Variants in MAGI2 observed in about 807,000 individuals in gnomAD.
MAGI2 encodes membrane associated guanylate kinase, WW and PDZ domain containing 2, also known as membrane-associated guanylate kinase, WW and PDZ domain-containing protein 2.
Under a neutral mutation model 133.3 loss-of-function variants are expected in MAGI2, and 35 were observed. The observed-to-expected ratio is 0.26, with a 90% CI of 0.20 to 0.35. MAGI2 has a LOEUF of 0.35. Among genes scored for constraint, MAGI2 ranks in the 10% least tolerant of loss-of-function variants. MAGI2 has a pLI of 1.00. For missense variants in MAGI2, 1,636 were observed against 1,863.4 expected (o/e 0.88, Z 2.25); for synonymous variants, 729 against 710.6 (o/e 1.03, Z -0.41).
chr7:79,320,008 A>G (rs956167139), intron 1 of MAGI2, among the ~76,000 whole-genome samples: 22 of 152,178 alleles, frequency 1.4e-4, no homozygotes, highest in Non-Finnish European at 2.4e-4. Flanking sequence ...GTTAAGTAAC[A>G]GAATTGATTG....
At chr7:78,148,501 T>G (rs886999978) in intron 16 of MAGI2, among the ~76,000 whole-genome samples, 1 of 151,908 alleles carries the variant, frequency 6.6e-6, no homozygotes. Context: ...GGGGGAAAAG[T>G]GAAAAAGCAG....
chr7:79,426,692 G>T (rs894067986), intron 1 of MAGI2, among the ~76,000 whole-genome samples: 4 of 152,082 alleles, frequency 2.6e-5, no homozygotes, highest in African/African-American at 9.7e-5. Flanking sequence ...TGTCAGAGAT[G>T]AACTTTTTAC....
intron 1 of MAGI2, chr7:79,412,940 G>T (rs889211020): frequency 6.6e-6 from 1 of 152,062 alleles, no homozygotes; most frequent in African/African-American, 2.4e-5. Flanking sequence ...TGCCTTTTGA[G>T]GGAGAAAATA....
chr7:79,028,911 A>G (rs1810292672), intron 1 of MAGI2, among the ~76,000 whole-genome samples: 1 of 152,190 alleles, frequency 6.6e-6, no homozygotes, highest in Non-Finnish European at 1.5e-5. Context: ...TGAAATTTTT[A>G]CTGTCTTTTG....
chr7:78,174,311 C>T (rs570467990), intron 14 of MAGI2, among the ~76,000 whole-genome samples: 1 of 152,280 alleles, frequency 6.6e-6, no homozygotes, highest in South Asian at 2.1e-4. Flanking sequence ...CCGGAACAAA[C>T]AGAGAGCTCA....
At chr7:79,020,884 G>A (rs1562796255) in intron 1 of MAGI2, among the ~76,000 whole-genome samples, 1 of 152,190 alleles carries the variant, frequency 6.6e-6, no homozygotes. Flanking sequence ...TCCATCACAG[G>A]CTCAGAGGCC....
intron 2 of MAGI2, among the ~76,000 whole-genome samples, chr7:78,866,272 C>G (rs530612276): frequency 2.4e-4 from 37 of 152,206 alleles, no homozygotes; most frequent in African/African-American, 7.9e-4. Flanking sequence ...TATTCAGCCA[C>G]TTGATGGAAT....
intron 6 of MAGI2, among the ~76,000 whole-genome samples, chr7:78,445,457 TTGAGAA>T (rs1788039902): frequency 6.6e-6 from 1 of 152,102 alleles, no homozygotes; most frequent in Non-Finnish European, 1.5e-5. Flanking sequence ...GTATACTTGT[TTGAGAA>T]TGTCTGTTGG....
chr7:78,876,965 T>C (rs1159609149), intron 2 of MAGI2, among the ~76,000 whole-genome samples: 2 of 152,228 alleles, frequency 1.3e-5, no homozygotes, highest in Non-Finnish European at 2.9e-5. Context: ...TATTTTACTA[T>C]GGTGCTCAGA....
chr7:79,100,389 G>A (rs557900694), intron 1 of MAGI2, among the ~76,000 whole-genome samples: 1 of 151,866 alleles, frequency 6.6e-6, no homozygotes, highest in African/African-American at 2.4e-5. Context: ...GGAAAAAATA[G>A]ACATATATAT....
chr7:78,478,930 T>C, intron 6 of MAGI2, among the ~76,000 whole-genome samples: 1 of 151,878 alleles, frequency 6.6e-6, no homozygotes, highest in East Asian at 1.9e-4. Flanking sequence ...AACTGGGACG[T>C]GGGGGCAGCC....
intron 6 of MAGI2, among the ~76,000 whole-genome samples, chr7:78,383,084 A>G (rs1267749011): frequency 2.0e-5 from 3 of 152,058 alleles, no homozygotes; most frequent in Non-Finnish European, 4.4e-5. Context: ...GAGTGTAGGT[A>G]TCTCTTTGAT....
chr7:78,535,682 C>A (rs1797828148), intron 3 of MAGI2, among the ~76,000 whole-genome samples: 1 of 152,072 alleles, frequency 6.6e-6, no homozygotes, highest in East Asian at 1.9e-4. Flanking sequence ...CAAAACAAAC[C>A]CCCTTCTTGC....
Position 78,458,165 on chromosome 7 carries a change from A to G in MAGI2, c.1045+31596T>C, listed in dbSNP as rs745484443. On this transcript the variant is annotated intron_variant, in intron 6 of 21. Transcript: ENST00000354212. ...ACAGTAATTAGCTGCGCGTGGTGGC[A>G]CACCCCTGTAATCCCAGCTGCTCGG... Among the ~76,000 whole-genome samples, 17 of 152,074 alleles carry G rather than the reference A, an allele frequency of 1.1e-4. No homozygotes were observed. In the South Asian group the frequency reaches 2.7e-3, roughly 24 times the overall value.
chr7:79,353,094 CA>C (rs1391194674), intron 1 of MAGI2, among the ~76,000 whole-genome samples: 2 of 152,030 alleles, frequency 1.3e-5, no homozygotes, highest in Non-Finnish European at 2.9e-5. Context: ...GCAAAAATAA[CA>C]GGAGGCCGAT....
chr7:78,115,246 T>C (rs1275887852), intron 20 of MAGI2, among the ~76,000 whole-genome samples: 5 of 152,126 alleles, frequency 3.3e-5, no homozygotes, highest in African/African-American at 1.2e-4. Flanking sequence ...GAAAGTCTAA[T>C]AGGAGATCCT....
chr7:78,992,307 C>T (rs890608508), intron 2 of MAGI2, among the ~76,000 whole-genome samples: 6 of 151,932 alleles, frequency 3.9e-5, no homozygotes, highest in East Asian at 1.9e-4. Flanking sequence ...GAGAATAGGA[C>T]GTATGTCTTA....
chr7:79,193,561 A>G (rs1405139576), intron 1 of MAGI2, among the ~76,000 whole-genome samples: 3 of 151,994 alleles, frequency 2.0e-5, no homozygotes. Flanking sequence ...CTGGCATTGC[A>G]CAATGTAAAA....
chr7:78,455,770 T>G (rs1789245796), intron 6 of MAGI2, among the ~76,000 whole-genome samples: 1 of 152,130 alleles, frequency 6.6e-6, no homozygotes, highest in Non-Finnish European at 1.5e-5. Context: ...ATCACCATAT[T>G]AGGTGCTAAG....
Sources: allele counts gnomAD v4.1 joint callset (sites outside exome capture counted in the v4.1 genomes callset), GRCh38; gene constraint gnomAD v4.1.1; transcripts MANE v1.5; gene names NCBI Gene and HGNC (gene_info 2026-07-23, HGNC 2026-07-21).